The following DHX37 variants were observed in gnomAD, a reference collection of about 807,000 sequenced individuals.
The protein encoded by DHX37 is DEAH-box helicase 37.
DHX37 carries 52 observed loss-of-function variants against 134.3 expected under a neutral mutation model. The ratio of observed to expected loss-of-function variants is 0.39; its 90% CI spans 0.31 to 0.49. DHX37 has a LOEUF of 0.49. Among genes scored for constraint, DHX37 ranks in the 20% least tolerant of loss-of-function variants. DHX37 has a pLI of 0.93. For missense variants in DHX37, 1,344 were observed against 1,580.8 expected (o/e 0.85, Z 2.54); for synonymous variants, 634 against 670.7 (o/e 0.95, Z 0.85).
At chr12:124,988,843 G>T in intron 1 of DHX37, 74 bp downstream of exon 1, 3 of 947,576 alleles carry the variant, frequency 3.2e-6, no homozygotes, top group Admixed American at 3.4e-5. Context: ...ATCCCCACCC[G>T]AGAGTCCTGA....
chr12:124,967,024 C>T, intron 11 of DHX37, 99 bp downstream of exon 11: 1 of 1,537,562 alleles, frequency 6.5e-7, no homozygotes, highest in Non-Finnish European at 9.0e-7. Context: ...CTGATGCTTC[C>T]AGAGAGAAGC....
In DHX37 at chr12:124,947,435, G is replaced by A. The variant is rs183628496; in HGVS notation, c.*367C>T. 6.5e-4 allele frequency: 119 copies of A among 184,192 alleles called. No homozygotes were observed. Among genetic ancestry groups the A allele is most frequent in the African/African-American group, 2.7e-3 (116 of 42,940 alleles). 11.4% of individuals were successfully genotyped at this position (184,192 alleles called of 1,614,324 possible). ...GAATTGCAGGAAGGAGGCCCTCCAC[G>A]TGCCTCCTCGGCCTTCTGGCAGGGC... On this transcript the variant is annotated 3_prime_UTR_variant, in exon 27 of 27. Transcript: ENST00000308736.
rs550379721 is a variant in DHX37 at position 124,982,401 on chromosome 12, A to T, written c.389+110T>A. On this transcript the variant is annotated intron_variant, in intron 3 of 26. Transcript: ENST00000308736. The stretch of plus-strand genomic sequence containing the variant: ...TGAATTTTCAGCCACTCAGGCCACC[A>T]TAAAGGTATTTTCTCAAATGTTCCA... 9.1e-5 allele frequency: 129 copies of T among 1,419,126 alleles called. 1 individual carries two copies. The African/African-American group carries it at 1.7e-3, about 19-fold the overall frequency. 87.9% of individuals were successfully genotyped at this position (1,419,126 alleles called of 1,614,324 possible).
intron 3 of DHX37, among the ~76,000 whole-genome samples, chr12:124,981,529 G>A (rs1217106932): frequency 2.6e-5 from 4 of 152,120 alleles, no homozygotes; most frequent in Admixed American, 2.0e-4. Flanking sequence ...CAACCTCCCA[G>A]GCTCAGGTGA....
chr12:124,961,522 A>G (rs58689609), intron 15 of DHX37, among the ~76,000 whole-genome samples: 22,295 of 152,116 alleles, frequency 0.15, 2,156 homozygotes, highest in African/African-American at 0.28. Context: ...TCTGCCTCCC[A>G]GGTTCAAGTG....
chr12:124,956,221 G>A (rs1344212725), intron 18 of DHX37, among the ~76,000 whole-genome samples: 4 of 152,210 alleles, frequency 2.6e-5, no homozygotes, highest in South Asian at 4.1e-4. Context: ...AACTGATGGC[G>A]TGAAAGGCGG....
intron 8 of DHX37, 70 bp from the exon 9 acceptor site, chr12:124,969,038 A>T (rs930721959): frequency 6.8e-7 from 1 of 1,476,700 alleles, no homozygotes; most frequent in Non-Finnish European, 9.3e-7. Flanking sequence ...GGAAATCGGC[A>T]TGGGGGTGCC....
intron 6 of DHX37, among the ~76,000 whole-genome samples, chr12:124,975,072 G>C (rs544982201): frequency 2.0e-5 from 3 of 152,156 alleles, no homozygotes; most frequent in African/African-American, 7.2e-5. Context: ...CACCACACCC[G>C]GCCAAGATTT....
In DHX37 at chr12:124,954,098, A is replaced by G. The variant is rs781073177; in HGVS notation, c.2567T>C (p.Met856Thr). ...QGASLKLGDL[M>T]VLLGAVGACE... ...GGCAGGGCACAAACCCAGCAGCACC[A>G]TGAGGTCGCCGAGCTTCAGAGAAGC... Residue 856 changes from methionine to threonine, a missense_variant, in exon 19 of 27, where the codon ATG (methionine) becomes ACG (threonine). Physicochemically the swap from Met to Thr is moderately conservative, Grantham distance 81. Coordinates refer to ENST00000308736, the MANE Select transcript of DHX37 (RefSeq NM_032656.4). The G allele has an allele frequency of 2.5e-6, 4 of 1,609,740 alleles. No individual in the cohort carries two copies. In the South Asian group the frequency reaches 4.4e-5, roughly 18 times the overall value.
intron 4 of DHX37, 87 bp from the exon 5 acceptor site, chr12:124,977,577 GT>G: frequency 2.8e-6 from 4 of 1,423,102 alleles, no homozygotes; most frequent in Non-Finnish European, 3.7e-6. Context: ...TGACACATGG[GT>G]GCTGAACAGA....
chr12:124,966,826 C>A lies in DHX37; in HGVS notation c.1557G>T (p.Lys519Asn). 6.2e-7 allele frequency: 1 copy of A among 1,614,274 alleles called. No homozygotes were observed. Among genetic ancestry groups the A allele is most frequent in the Non-Finnish European group, 8.5e-7 (1 of 1,180,056 alleles). Residue 519 changes from lysine to asparagine, a missense_variant, in exon 12 of 27, where the codon AAG becomes AAT. This residue lies in a region of DHX37 where 289 missense variants were observed against 323.8 expected (regional missense o/e 0.89). Transcript: ENST00000308736. ...GCGCCTTCTTGGCCCTGGCCCTTGA[C>A]TTCTTAAACTTCCGCATTTCCTCCA... Reference protein sequence around the residue: ...DSVEEMRKFKKSRARAKKARA... With the variant: ...DSVEEMRKFKNSRARAKKARA...
rs776461839 is a variant in DHX37 at position 124,964,374 on chromosome 12, G to T, written c.2045+20C>A. On this transcript the variant is annotated intron_variant, in intron 15 of 26. Transcript: ENST00000308736. ...GCAAGGCGGCACCAACGTCCCTGAG[G>T]AGGAGCCTGGGTGACCCACCTGTAG... is the stretch of plus-strand genomic sequence containing the variant. 2 of 1,611,462 alleles carry T rather than the reference G, an allele frequency of 1.2e-6. No homozygotes were observed. The highest frequency in any genetic ancestry group is 2.2e-5 in the East Asian group (1 of 44,880).
chr12:124,989,109 T>C lies in DHX37; in HGVS notation c.-87A>G. On this transcript the variant is annotated 5_prime_UTR_variant, in exon 1 of 27. Coordinates refer to ENST00000308736, the MANE Select transcript of DHX37 (RefSeq NM_032656.4). The stretch of plus-strand genomic sequence containing the variant: ...CCACGTGGGTTCCCAGACCACCAAC[T>C]CCGGCCGTGAGACTTCCGGGTTGTG... 1.2e-6 allele frequency: 1 copy of C among 860,034 alleles called. No homozygotes were observed. Among genetic ancestry groups the C allele is most frequent in the Non-Finnish European group, 1.6e-6 (1 of 639,174 alleles). The allele number at this position is 860,034 out of a possible 1,614,324, so 53.3% of individuals were successfully genotyped here. A position where few individuals can be genotyped will look rare whatever the true frequency, so the allele number is the denominator to read the frequency against.
chr12:124,950,383 C>T (rs778063835), intron 23 of DHX37, 30 bp downstream of exon 23: 4 of 1,595,894 alleles, frequency 2.5e-6, no homozygotes, highest in African/African-American at 2.7e-5. Context: ...GCAGGAGGCT[C>T]AGGTTGCCCA....
At position 124,964,997 on chromosome 12, in the gene DHX37, G is replaced by A. The variant is rs140932947; in HGVS notation, c.1745C>T (p.Pro582Leu). The A allele has an allele frequency of 6.6e-5, 105 of 1,595,306 alleles. No individual in the cohort carries two copies. Among genetic ancestry groups the A allele is most frequent in the Admixed American group, 1.8e-4 (10 of 55,432 alleles). Residue 582 changes from proline (P) to leucine (L), a missense_variant, in exon 14 of 27, where the codon CCG becomes CTG. Pro to Leu is a moderately conservative substitution (Grantham distance 98). Coordinates refer to ENST00000308736, the MANE Select transcript of DHX37 (RefSeq NM_032656.4). ...CACGTGGAGCGGGAGGGAGGCATCC[G>A]GCTGCTCACCTGGAGGGAAAGCAGA... Reference protein sequence around the residue: ...GDGGQDGGEQPDASLPLHVLP... With the variant: ...GDGGQDGGEQLDASLPLHVLP...
rs772526042 is a variant in DHX37 at position 124,967,175 on chromosome 12, C to A, written c.1452G>T (p.Ala484=). 1.3e-5 allele frequency: 21 copies of A among 1,613,762 alleles called. No homozygotes were observed. The highest frequency in any genetic ancestry group is 3.3e-5 in the Admixed American group (2 of 60,006). Residue 484 remains alanine, a synonymous_variant, in exon 11 of 27, where the codon GCG becomes GCT. Transcript: ENST00000308736. ...VFLTGQAEVH[A]LCRRLRKAFP... ...AAGCCTTCCTGAGCCTGCGGCACAG[C>A]GCATGCACCTCAGCCTGCCCCGTCA...
chr12:124,979,025 A>G (rs1238319129), intron 4 of DHX37, among the ~76,000 whole-genome samples: 1 of 152,118 alleles, frequency 6.6e-6, no homozygotes, highest in Non-Finnish European at 1.5e-5. Context: ...ACTTCTGCAC[A>G]TGCGCTCATA....
intron 9 of DHX37, 42 bp from the exon 10 acceptor site, chr12:124,968,690 G>A (rs774490683): frequency 8.1e-6 from 13 of 1,611,948 alleles, no homozygotes; most frequent in South Asian, 1.1e-5. Context: ...GGGGGGACAC[G>A]AGCTTCGGCC....
In DHX37 at chr12:124,960,056, T is replaced by C. The variant is rs141023559; in HGVS notation, c.2157+256A>G. On this transcript the variant is annotated intron_variant, in intron 16 of 26. Transcript: ENST00000308736. ...ACGTTCTGCACGCCCCACGGACGGA[T>C]AGTACATGAACAGCGTGCAGGACCC... Among the ~76,000 whole-genome samples the C allele has an allele frequency of 9.1e-3, 1,380 of 152,222 alleles. 16 individuals are homozygous for C. Among genetic ancestry groups the C allele is most frequent in the African/African-American group, 0.032 (1,315 of 41,544 alleles).
Sources: gnomAD v4.1 joint callset for allele counts (sites outside exome capture counted in the v4.1 genomes callset) on GRCh38, gnomAD v4.1.1 for gene constraint, gnomAD v4.1.1 regional missense constraint, MANE v1.5 for transcripts, NCBI Gene and HGNC (gene_info 2026-07-23, HGNC 2026-07-21) for gene names.